TBC1D31: variants seen among roughly 807,000 people sequenced by gnomAD.
TBC1D31 encodes the protein WD repeat domain 67.
Under a neutral mutation model 132.9 loss-of-function variants are expected in TBC1D31, and 99 were observed. The observed-to-expected ratio is 0.74, with a 90% CI of 0.63 to 0.88. TBC1D31 has a LOEUF of 0.88. Among genes scored for constraint, TBC1D31 ranks in the 40% least tolerant of loss-of-function variants. The pLI is 0.00. For missense variants in TBC1D31, 1,134 were observed against 1,256.6 expected (o/e 0.90, Z 1.48); for synonymous variants, 385 against 419.4 (o/e 0.92, Z 1.00).
At chr8:123,099,363 G>C (rs996449069) in intron 6 of TBC1D31, among the ~76,000 whole-genome samples, 4 of 152,020 alleles carry the variant, frequency 2.6e-5, no homozygotes. Flanking sequence ...CTCGTGATCC[G>C]CCCGTGTCGG....
intron 1 of TBC1D31, 133 bp from the exon 2 acceptor site, chr8:123,076,978 A>T: frequency 2.7e-6 from 2 of 744,924 alleles, no homozygotes; most frequent in Non-Finnish European, 4.1e-6. Context: ...GATTGATTCT[A>T]GAGGAGCGGG....
At chr8:123,162,769 TG>T in the TBC1D31 span, among the ~76,000 whole-genome samples, 14 of 152,250 alleles carry the variant, frequency 9.2e-5, no homozygotes, top group Admixed American at 3.3e-4. Context: ...GCTCTTACTG[TG>T]CTAATGCCGC....
chr8:123,137,925 T>C (rs1218087648), intron 17 of TBC1D31, among the ~76,000 whole-genome samples: 1 of 152,230 alleles, frequency 6.6e-6, no homozygotes, highest in Non-Finnish European at 1.5e-5. Flanking sequence ...CAGTGTCTGA[T>C]GTATGATACA....
At chr8:123,156,180 C>T (rs1470714424), downstream of TBC1D31, among the ~76,000 whole-genome samples, 1 of 152,148 alleles carries the variant, frequency 6.6e-6, no homozygotes, top group Non-Finnish European at 1.5e-5. Context: ...GTGGCTCACA[C>T]CTGTAATCCC....
intron 20 of TBC1D31, among the ~76,000 whole-genome samples, chr8:123,148,384 G>T (rs930238458): frequency 2.0e-5 from 3 of 152,060 alleles, no homozygotes; most frequent in African/African-American, 7.2e-5. Context: ...CAGCCCTTTG[G>T]GAAGATGAAT....
At chr8:123,157,810 G>A in the TBC1D31 span, among the ~76,000 whole-genome samples, 1 of 151,966 alleles carries the variant, frequency 6.6e-6, no homozygotes, top group South Asian at 2.1e-4. Flanking sequence ...GGCGCCCCAG[G>A]TTTCCACGGC....
intron 17 of TBC1D31, among the ~76,000 whole-genome samples, chr8:123,136,269 T>C (rs1374918326): frequency 6.6e-6 from 1 of 152,224 alleles, no homozygotes; most frequent in African/African-American, 2.4e-5. Flanking sequence ...GTCACTTTAG[T>C]CTCCTTTAAA....
intron 4 of TBC1D31, 98 bp from the exon 5 acceptor site, chr8:123,093,493 A>C (rs1816548165): frequency 1.3e-6 from 1 of 750,238 alleles, no homozygotes; most frequent in Admixed American, 3.1e-5. Flanking sequence ...TAAGAAAATA[A>C]TATTTTAATA....
chr8:123,116,535 T>C (rs1237645719), intron 10 of TBC1D31, among the ~76,000 whole-genome samples: 1 of 152,112 alleles, frequency 6.6e-6, no homozygotes, highest in Non-Finnish European at 1.5e-5. Context: ...TGCAGATAAA[T>C]AGACACAGAA....
intron 10 of TBC1D31, among the ~76,000 whole-genome samples, chr8:123,119,400 G>A (rs1819256758): frequency 6.6e-6 from 1 of 152,176 alleles, no homozygotes. Flanking sequence ...AATGCCCTAC[G>A]ATAGAGATCA....
intron 16 of TBC1D31, among the ~76,000 whole-genome samples, chr8:123,132,038 C>G (rs1380448496): frequency 6.6e-6 from 1 of 152,174 alleles, no homozygotes; most frequent in Non-Finnish European, 1.5e-5. Flanking sequence ...TGTCCCAACA[C>G]CATTTGTTGA....
At chr8:123,149,755 T>G (rs1822595270) in intron 20 of TBC1D31, among the ~76,000 whole-genome samples, 1 of 152,260 alleles carries the variant, frequency 6.6e-6, no homozygotes, top group Non-Finnish European at 1.5e-5. Flanking sequence ...CTGATCACAT[T>G]TCGTAATCTC....
In TBC1D31 at chr8:123,072,812, T is replaced by C; in HGVS notation, c.43T>C (p.Trp15Arg). The C allele has an allele frequency of 6.4e-7, 1 of 1,574,288 alleles. No individual in the cohort carries two copies. The highest frequency in any genetic ancestry group is 8.6e-7 in the Non-Finnish European group (1 of 1,160,486). The change falls in exon 1 of 22, where the codon TGG becomes CGG. Residue 15 changes from tryptophan to arginine, a missense_variant. Coordinates refer to ENST00000287380, the MANE Select transcript of TBC1D31 (RefSeq NM_145647.4). ...AGGCAACAAGGAGAGCGGCAAGATATGGCACCGCAAGCCGTCCCCGGCCAC... is the reference window on the plus strand; with the variant it reads ...AGGCAACAAGGAGAGCGGCAAGATACGGCACCGCAAGCCGTCCCCGGCCAC... ...DLGNKESGKI[W>R]HRKPSPATRD...
At chr8:123,098,413 C>T (rs1257084930) in intron 6 of TBC1D31, among the ~76,000 whole-genome samples, 4 of 152,016 alleles carry the variant, frequency 2.6e-5, no homozygotes, top group African/African-American at 7.2e-5. Context: ...GTGATTCTCC[C>T]GCCTCAGCCT....
At chr8:123,157,314 G>C in the TBC1D31 span, among the ~76,000 whole-genome samples, 6 of 151,924 alleles carry the variant, frequency 3.9e-5, no homozygotes, top group Non-Finnish European at 5.9e-5. Flanking sequence ...CCTAGTAAGG[G>C]TTTCCGGACG....
chr8:123,079,568 A>C (rs1422464019), intron 2 of TBC1D31, among the ~76,000 whole-genome samples: 1 of 148,598 alleles, frequency 6.7e-6, no homozygotes, highest in Non-Finnish European at 1.5e-5. Context: ...TACTTCTGAA[A>C]AAAATAAAAA....
chr8:123,159,495 A>G, the TBC1D31 span, among the ~76,000 whole-genome samples: 15 of 152,316 alleles, frequency 9.8e-5, no homozygotes, highest in Non-Finnish European at 2.1e-4. Context: ...GTATTTGCAC[A>G]CAGAAAGCTA....
At chr8:123,106,853 C>T in intron 8 of TBC1D31, among the ~76,000 whole-genome samples, 1 of 152,186 alleles carries the variant, frequency 6.6e-6, no homozygotes, top group East Asian at 1.9e-4. Context: ...AAAGCAAAAT[C>T]AGCAAAGGGA....
chr8:123,153,855 A>G (rs1822923123), downstream of TBC1D31, among the ~76,000 whole-genome samples: 1 of 152,210 alleles, frequency 6.6e-6, no homozygotes, highest in Non-Finnish European at 1.5e-5. Context: ...TATTACATCC[A>G]TAAAGTTTCT....
Sources: gnomAD v4.1 joint callset for allele counts (sites outside exome capture counted in the v4.1 genomes callset) on GRCh38, gnomAD v4.1.1 for gene constraint, MANE v1.5 for transcripts, NCBI Gene and HGNC (gene_info 2026-07-23, HGNC 2026-07-21) for gene names.